Variants in KCNIP1 observed in about 807,000 individuals in gnomAD.
KCNIP1 encodes the protein potassium voltage-gated channel interacting protein 1.
A neutral mutation model predicts 33.0 loss-of-function variants in KCNIP1; 18 were observed. The ratio of observed to expected loss-of-function variants is 0.55; its 90% confidence interval spans 0.38 to 0.81. The LOEUF (loss-of-function observed/expected upper bound fraction) is 0.81, where lower values mean the gene tolerates loss of function less well. KCNIP1 is among the 30% of genes least tolerant of loss of function. The pLI is 0.00. For synonymous variants in KCNIP1, 93 were observed against 98.3 expected (o/e 0.95, Z 0.32); for missense variants, 238 against 271.6 (o/e 0.88, Z 0.87).
At chr5:170,722,643 C>A in intron 4 of KCNIP1, 70 bp from the exon 5 acceptor site, 1 of 1,064,686 alleles carries the variant, frequency 9.4e-7, no homozygotes, top group Non-Finnish European at 1.5e-6. Flanking sequence ...CACAGTCTGA[C>A]CCAAAGACAC....
chr5:170,545,734 GT>G (rs1273576825), intron 1 of KCNIP1, among the ~76,000 whole-genome samples: 1 of 152,000 alleles, frequency 6.6e-6, no homozygotes, highest in African/African-American at 2.4e-5. Context: ...AAGGCTATAT[GT>G]TTTTGTTCAT....
chr5:170,524,643 A>G (rs1755500922), intron 1 of KCNIP1, among the ~76,000 whole-genome samples: 1 of 152,126 alleles, frequency 6.6e-6, no homozygotes, highest in Admixed American at 6.5e-5. Context: ...CAAGATGGAA[A>G]CACAAAATGT....
intron 1 of KCNIP1, among the ~76,000 whole-genome samples, chr5:170,453,684 A>G (rs1445607924): frequency 6.6e-6 from 1 of 152,176 alleles, no homozygotes; most frequent in East Asian, 1.9e-4. Context: ...CTGTGATTAC[A>G]TTACATCATG....
At chr5:170,460,062 C>A (rs1756471202) in intron 1 of KCNIP1, among the ~76,000 whole-genome samples, 1 of 152,110 alleles carries the variant, frequency 6.6e-6, no homozygotes, top group African/African-American at 2.4e-5. Context: ...CTCTGAACAC[C>A]TTTATGTGCA....
intron 1 of KCNIP1, among the ~76,000 whole-genome samples, chr5:170,648,393 G>A (rs575897647): frequency 6.6e-6 from 1 of 152,272 alleles, no homozygotes; most frequent in East Asian, 1.9e-4. Context: ...GTCCTTCAGT[G>A]AGCGAATGGT....
At chr5:170,367,439 G>A (rs903128573) in intron 1 of KCNIP1, among the ~76,000 whole-genome samples, 30 of 134,640 alleles carry the variant, frequency 2.2e-4, no homozygotes, top group East Asian at 1.1e-3. Context: ...AGAAAGAAAG[G>A]AAAGAAAGGA....
intron 1 of KCNIP1, among the ~76,000 whole-genome samples, chr5:170,366,072 C>A (rs1189256489): frequency 2.6e-5 from 4 of 152,170 alleles, no homozygotes; most frequent in African/African-American, 9.7e-5. Flanking sequence ...TCAACATACT[C>A]TTTGCCTTTC....
intron 1 of KCNIP1, among the ~76,000 whole-genome samples, chr5:170,618,551 G>A (rs1302581244): frequency 8.0e-6 from 1 of 124,724 alleles, no homozygotes; most frequent in Admixed American, 7.8e-5. Context: ...AGGGAGGAGG[G>A]AGGGAGGGAG....
intron 1 of KCNIP1, among the ~76,000 whole-genome samples, chr5:170,486,835 C>T (rs2113187663): frequency 6.6e-6 from 1 of 152,332 alleles, no homozygotes; most frequent in South Asian, 2.1e-4. Flanking sequence ...GTACCTGCCA[C>T]CCTGAGCACA....
chr5:170,453,728 A>G (rs1246510939), intron 1 of KCNIP1, among the ~76,000 whole-genome samples: 1 of 152,186 alleles, frequency 6.6e-6, no homozygotes, highest in Non-Finnish European at 1.5e-5. Context: ...CATGCTAGAG[A>G]TTCTCCTTGC....
intron 1 of KCNIP1, among the ~76,000 whole-genome samples, chr5:170,354,871 T>G (rs1030161834): frequency 2.6e-5 from 4 of 152,180 alleles, no homozygotes; most frequent in Non-Finnish European, 5.9e-5. Context: ...CGTCTTTAAA[T>G]ATTCATGCTG....
intron 1 of KCNIP1, among the ~76,000 whole-genome samples, chr5:170,441,360 C>T (rs1755983227): frequency 6.6e-6 from 1 of 152,104 alleles, no homozygotes; most frequent in African/African-American, 2.4e-5. Context: ...GTGGAACAAA[C>T]GAGACCCCTG....
At chr5:170,700,784 A>G in intron 1 of KCNIP1, among the ~76,000 whole-genome samples, 1 of 152,214 alleles carries the variant, frequency 6.6e-6, no homozygotes, top group Non-Finnish European at 1.5e-5. Flanking sequence ...TTCACATTTT[A>G]CTAGGCAATG....
chr5:170,713,949 G>A (rs549440443), intron 1 of KCNIP1, among the ~76,000 whole-genome samples: 39 of 151,162 alleles, frequency 2.6e-4, no homozygotes, highest in African/African-American at 9.0e-4. Context: ...GCTTGAACCC[G>A]GGAGGTGGAG....
intron 1 of KCNIP1, among the ~76,000 whole-genome samples, chr5:170,386,938 T>A (rs1764499118): frequency 6.6e-6 from 1 of 152,114 alleles, no homozygotes; most frequent in Admixed American, 6.5e-5. Flanking sequence ...GCTAGGCTCC[T>A]GATCGCTCCC....
intron 1 of KCNIP1, among the ~76,000 whole-genome samples, chr5:170,450,843 C>A (rs951911518): frequency 1.3e-5 from 2 of 152,250 alleles, no homozygotes; most frequent in Admixed American, 6.5e-5. Context: ...CACACCCCAT[C>A]GTGATTATCT....
intron 1 of KCNIP1, among the ~76,000 whole-genome samples, chr5:170,475,774 T>C (rs1036859095): frequency 6.6e-6 from 1 of 151,736 alleles, no homozygotes; most frequent in African/African-American, 2.4e-5. Context: ...TCCCCCTACT[T>C]CCTTACTAAC....
chr5:170,677,187 G>C lies in KCNIP1; in HGVS notation c.62-41571G>C, dbSNP rs115768701. Reference sequence around the variant, plus strand: ...ATTCATCTTAATCTCACAACTCTATGAAGTACATACTGTGAATGTCTCTGT... The same window carrying C: ...ATTCATCTTAATCTCACAACTCTATCAAGTACATACTGTGAATGTCTCTGT... On this transcript the variant is annotated intron_variant, in intron 1 of 7. Transcript: ENST00000328939. Among the ~76,000 whole-genome samples, 170 of 152,222 alleles carry C rather than the reference G, an allele frequency of 1.1e-3. 1 individual carries two copies. The highest frequency in any genetic ancestry group is 3.9e-3 in the African/African-American group (164 of 41,522).
At chr5:170,659,834 A>G (rs146170840) in intron 1 of KCNIP1, among the ~76,000 whole-genome samples, 506 of 152,362 alleles carry the variant, frequency 3.3e-3, no homozygotes, top group African/African-American at 9.8e-3. Context: ...CATTATTTTT[A>G]ATAGAACTGC....
Sources: allele counts gnomAD v4.1 joint callset (sites outside exome capture counted in the v4.1 genomes callset), GRCh38; gene constraint gnomAD v4.1.1; transcripts MANE v1.5; gene names NCBI Gene and HGNC (gene_info 2026-07-23, HGNC 2026-07-21).